The following STRN variants were observed in gnomAD, a reference collection of about 807,000 sequenced individuals.
STRN encodes the protein protein phosphatase 2 regulatory subunit B'''alpha.
In STRN, 53 loss-of-function variants were observed where a neutral mutation model predicts 96.3. That is an observed-to-expected ratio of 0.55 (90% CI 0.44 to 0.69). The LOEUF (loss-of-function observed/expected upper bound fraction) is 0.69. Among genes scored for constraint, STRN ranks in the 30% least tolerant of loss-of-function variants. The pLI, the probability that STRN is intolerant of heterozygous loss-of-function variation, is 0.00. For synonymous variants in STRN, 428 were observed against 355.9 expected (o/e 1.20, Z -2.28); for missense variants, 987 against 963.9 (o/e 1.02, Z -0.32).
intron 1 of STRN, among the ~76,000 whole-genome samples, chr2:36,954,903 T>G (rs1045792149): frequency 2.6e-5 from 4 of 152,120 alleles, no homozygotes; most frequent in African/African-American, 9.7e-5. Context: ...CCTCCCAAAG[T>G]GCTAGGATTA....
At chr2:36,873,703 G>C (rs1668824229) in intron 10 of STRN, among the ~76,000 whole-genome samples, 1 of 152,136 alleles carries the variant, frequency 6.6e-6, no homozygotes, top group South Asian at 2.1e-4. Flanking sequence ...CCAGCACTTT[G>C]GGAGGCTGAG....
chr2:36,871,353 A>G (rs1668758612), intron 10 of STRN, among the ~76,000 whole-genome samples: 1 of 152,106 alleles, frequency 6.6e-6, no homozygotes, highest in Non-Finnish European at 1.5e-5. Flanking sequence ...AATCTTTTAC[A>G]CTGTATTTTT....
At chr2:36,852,945 T>C (rs893542098) in intron 15 of STRN, among the ~76,000 whole-genome samples, 1 of 152,256 alleles carries the variant, frequency 6.6e-6, no homozygotes, top group Non-Finnish European at 1.5e-5. Flanking sequence ...TCACTTGAGG[T>C]CAGGAGTTCG....
At chr2:36,854,276 T>C (rs544115558) in intron 15 of STRN, among the ~76,000 whole-genome samples, 1 of 152,328 alleles carries the variant, frequency 6.6e-6, no homozygotes, top group East Asian at 1.9e-4. Flanking sequence ...CTAAAACCTG[T>C]AATTTCTTGC....
chr2:36,851,346 G>A (rs1435436754), intron 15 of STRN, among the ~76,000 whole-genome samples: 1 of 152,090 alleles, frequency 6.6e-6, no homozygotes, highest in Non-Finnish European at 1.5e-5. Flanking sequence ...AGCCGAGTGT[G>A]GTGGTGCGTG....
chr2:36,865,498 T>C (rs1668598086), intron 12 of STRN, among the ~76,000 whole-genome samples: 2 of 152,166 alleles, frequency 1.3e-5, no homozygotes, highest in Non-Finnish European at 2.9e-5. Flanking sequence ...GTTTGGTTAT[T>C]TCTTGTCTTC....
chr2:36,839,846 A>G lies in STRN; in HGVS notation c.*9610T>C, dbSNP rs903367147. On this transcript the variant is annotated 3_prime_UTR_variant, in exon 18 of 18. Coordinates refer to ENST00000263918, the MANE Select transcript of STRN (RefSeq NM_003162.4). The stretch of plus-strand genomic sequence containing the variant: ...ATTTAAAGTCATTTGAATATTAAAT[A>G]TAAATAGTTGGTCTCTAACTTGTTG... 2 of 152,204 alleles carry G rather than the reference A, an allele frequency of 1.3e-5. No homozygotes were observed. The highest frequency in any genetic ancestry group is 2.9e-5 in the Non-Finnish European group (2 of 68,042). 9.4% of individuals were successfully genotyped at this position (152,204 alleles called of 1,614,324 possible).
In STRN at chr2:36,845,888, CACACACACACACACACACG is replaced by C. The variant is rs1668056002; in HGVS notation, c.*3549_*3567del. On this transcript the variant is annotated 3_prime_UTR_variant, in exon 18 of 18. Transcript: ENST00000263918. ...CAGGACCTTCACAGATTGGTAAACACACACACACACACACACACGCATGCATGCACACACACACACACAC... is the reference window on the plus strand; with the variant it reads ...CAGGACCTTCACAGATTGGTAAACACCATGCATGCACACACACACACACAC... The C allele has an allele frequency of 4.0e-5, 2 of 49,504 alleles. No homozygotes were observed. The highest frequency in any genetic ancestry group is 9.2e-5 in the Non-Finnish European group (2 of 21,688). The allele number at this position is 49,504 out of a possible 1,614,324, so 3.1% of individuals were successfully genotyped here.
intron 2 of STRN, among the ~76,000 whole-genome samples, chr2:36,918,487 A>C (rs1670168995): frequency 6.6e-6 from 1 of 152,090 alleles, no homozygotes; most frequent in South Asian, 2.1e-4. Flanking sequence ...AAACATTTTC[A>C]AACACAAAAT....
intron 1 of STRN, among the ~76,000 whole-genome samples, chr2:36,954,381 G>A (rs1307302151): frequency 6.6e-6 from 1 of 151,634 alleles, no homozygotes; most frequent in Non-Finnish European, 1.5e-5. Context: ...GTGTGGTGAT[G>A]GGTGCCTGTA....
intron 13 of STRN, 86 bp from the exon 14 acceptor site, chr2:36,858,109 A>G (rs1258889692): frequency 3.8e-6 from 4 of 1,047,628 alleles, no homozygotes; most frequent in Admixed American, 2.6e-5. Flanking sequence ...TATATAAACA[A>G]TAGCACCTGA....
rs199613921 is a variant in STRN, at chr2:36,963,558, T to TC, written c.234+2671dup. ...AAGACCAGAGATTACTGCAAACTCTTCCCCCCAAAATATATCATATTCATC... is the reference window on the plus strand; with the variant it reads ...AAGACCAGAGATTACTGCAAACTCTTCCCCCCCAAAATATATCATATTCATC... On this transcript the variant is annotated intron_variant, in intron 1 of 17. Transcript: ENST00000263918. Among the ~76,000 whole-genome samples, 1,135 of 152,050 alleles carry TC rather than the reference T, an allele frequency of 7.5e-3. 21 individuals carry two copies. The highest frequency in any genetic ancestry group is 0.026 in the African/African-American group (1,084 of 41,470).
chr2:36,941,385 G>C (rs1670840840), intron 1 of STRN, among the ~76,000 whole-genome samples: 1 of 151,878 alleles, frequency 6.6e-6, no homozygotes, highest in South Asian at 2.1e-4. Context: ...TCTTCACATC[G>C]CTCTCCACCC....
chr2:36,930,684 A>C (rs1670550438), intron 1 of STRN, among the ~76,000 whole-genome samples: 2 of 152,084 alleles, frequency 1.3e-5, no homozygotes, highest in Non-Finnish European at 2.9e-5. Context: ...AAAACAAAAA[A>C]CAAAGCAAAA....
chr2:36,916,088 G>A lies in STRN; in HGVS notation c.402C>T (p.Ser134=), dbSNP rs1269671178. The A allele has an allele frequency of 5.0e-6, 8 of 1,612,834 alleles. No homozygotes were observed. The African/African-American group carries it at 6.7e-5, about 13-fold the overall frequency. ...ELNQGDMKPP[S]YDSDEGNETE... ...TTAAAATTAGCTTACCAGAATCATA[G>A]CTTGGAGGCTTCATATCTCCCTGAT... Residue 134 remains serine (S), a synonymous_variant, in exon 3 of 18, where the codon AGC becomes AGT. Coordinates refer to ENST00000263918, the MANE Select transcript of STRN (RefSeq NM_003162.4).
intron 5 of STRN, among the ~76,000 whole-genome samples, chr2:36,900,394 C>G (rs1669651434): frequency 6.6e-6 from 1 of 151,874 alleles, no homozygotes; most frequent in Non-Finnish European, 1.5e-5. Context: ...ACAAGTATGT[C>G]ATTTTTCTCT....
At position 36,903,180 on chromosome 2, in the gene STRN, C is replaced by T. The variant is rs571641273; in HGVS notation, c.492-429G>A. Among the ~76,000 whole-genome samples the T allele has an allele frequency of 3.0e-3, 451 of 152,274 alleles. 5 individuals are homozygous for T. The highest frequency in any genetic ancestry group is 0.01 in the African/African-American group (425 of 41,562). On this transcript the variant is annotated intron_variant, in intron 4 of 17. Transcript: ENST00000263918. ...AGCATATATCGTCTCCTTCATTACACACAAGGTAGTTATTTCTCGAGTCAC... is the reference window on the plus strand; with the variant it reads ...AGCATATATCGTCTCCTTCATTACATACAAGGTAGTTATTTCTCGAGTCAC...
In STRN at chr2:36,895,389, T is replaced by C. The variant is rs572050492; in HGVS notation, c.796-1356A>G. ...GGATTATTTAATGATGCTAGAATAA[T>C]TTGTTTAACTATTTGGGATATTTTC... is the stretch of plus-strand genomic sequence containing the variant. On this transcript the variant is annotated intron_variant, in intron 6 of 17. Transcript: ENST00000263918. Among the ~76,000 whole-genome samples, 17 of 151,686 alleles carry C rather than the reference T, an allele frequency of 1.1e-4. No homozygotes were observed. In the South Asian group the frequency reaches 3.3e-3, roughly 30 times the overall value.
rs1668316215 is a variant in STRN at position 36,855,294 on chromosome 2, T to C, written c.1896A>G (p.Ala632=). ...LVSSDPSHMV[A]SFSKGYTSIF... is the part of the protein sequence containing the mutation. ...TGCTTGTATATCCCTTGCTGAATGATGCTACCATATGGCTCGGGTCACTGC... is the reference window on the plus strand; with the variant it reads ...TGCTTGTATATCCCTTGCTGAATGACGCTACCATATGGCTCGGGTCACTGC... Residue 632 remains alanine (A), a synonymous_variant, in exon 15 of 18, where the codon GCA becomes GCG. Coordinates refer to ENST00000263918, the MANE Select transcript of STRN (RefSeq NM_003162.4). 2 of 1,613,840 alleles carry C rather than the reference T, an allele frequency of 1.2e-6. No individual in the cohort carries two copies. Among genetic ancestry groups the C allele is most frequent in the South Asian group, 2.2e-5 (2 of 91,074 alleles).
Sources: allele counts gnomAD v4.1 joint callset (sites outside exome capture counted in the v4.1 genomes callset), GRCh38; gene constraint gnomAD v4.1.1; transcripts MANE v1.5; gene names NCBI Gene and HGNC (gene_info 2026-07-23, HGNC 2026-07-21).